The following SGK1 variants were observed in gnomAD, a reference collection of about 807,000 sequenced individuals.
SGK1 encodes serum/glucocorticoid regulated kinase 1.
In SGK1, 26 loss-of-function variants were observed where a neutral mutation model predicts 64.2. That is an observed-to-expected ratio of 0.40 (90% confidence interval 0.30 to 0.56). SGK1 has a LOEUF of 0.56. SGK1 is among the 20% of genes least tolerant of loss of function. The pLI, the probability that SGK1 is intolerant of heterozygous loss-of-function variation, is 0.38. For missense variants in SGK1, 519 were observed against 645.6 expected, an observed-to-expected ratio of 0.80 and a Z score of 2.12; for synonymous variants, 265 against 239.7, an observed-to-expected ratio of 1.11 and a Z score of -0.98.
At chr6:134,243,386 T>C (rs1776476833) in intron 2 of SGK1, among the ~76,000 whole-genome samples, 1 of 152,176 alleles carries the variant, frequency 6.6e-6, no homozygotes, top group South Asian at 2.1e-4. Context: ...ATTATTTGTT[T>C]TAGATGGAGT....
At chr6:134,284,074 A>G (rs1054684867) in intron 1 of SGK1, among the ~76,000 whole-genome samples, 1 of 151,448 alleles carries the variant, frequency 6.6e-6, no homozygotes, top group Non-Finnish European at 1.5e-5. Flanking sequence ...ATTCCTTTAT[A>G]TGTTCAAATA....
At chr6:134,282,515 T>C (rs541872117) in intron 1 of SGK1, among the ~76,000 whole-genome samples, 137 of 151,860 alleles carry the variant, frequency 9.0e-4, no homozygotes, top group South Asian at 5.8e-3. Context: ...TAGCTGGGCA[T>C]GGTGGCGCAC....
chr6:134,252,991 A>C (rs1232642235), intron 2 of SGK1, among the ~76,000 whole-genome samples: 1 of 152,228 alleles, frequency 6.6e-6, no homozygotes, highest in Admixed American at 6.5e-5. Flanking sequence ...GCATCTTTTT[A>C]AGAAAGATCA....
chr6:134,227,902 T>G (rs1453867470), intron 2 of SGK1, among the ~76,000 whole-genome samples: 1 of 151,326 alleles, frequency 6.6e-6, no homozygotes, highest in Non-Finnish European at 1.5e-5. Flanking sequence ...TATTACTGCC[T>G]TAGTAACCTC....
In SGK1 at chr6:134,309,333, C is replaced by G. The variant is rs117252442; in HGVS notation, c.69+8059G>C. The stretch of plus-strand genomic sequence containing the variant: ...AGGAGGAGGCCAACGCAGCACCGAA[C>G]TTGCCTTACTGTCTGCTTTTCCTGT... On this transcript the variant is annotated intron_variant, in intron 1 of 13. Coordinates refer to ENST00000367858, the MANE Select transcript of SGK1 (RefSeq NM_001143676.3). Among the ~76,000 whole-genome samples the G allele has an allele frequency of 4.7e-3, 721 of 152,354 alleles. 44 individuals carry two copies. In the East Asian group the frequency reaches 0.13, roughly 27 times the overall value.
intron 11 of SGK1, 135 bp downstream of exon 11, chr6:134,171,497 TATAAA>T: frequency 1.6e-6 from 1 of 641,688 alleles, no homozygotes; most frequent in Non-Finnish European, 2.8e-6. Context: ...TCTTATGAAC[TATAAA>T]ATAACCAATA....
intron 3 of SGK1, among the ~76,000 whole-genome samples, chr6:134,191,853 T>TTTTTTTTTTTTA (rs1775517553): frequency 8.5e-5 from 12 of 140,694 alleles, no homozygotes; most frequent in South Asian, 2.4e-4. Flanking sequence ...TTTTTTTTTT[T>TTTTTTTTTTTTA]GAGACAGAGT....
At chr6:134,203,362 A>G (rs1172012288) in intron 3 of SGK1, among the ~76,000 whole-genome samples, 1 of 152,254 alleles carries the variant, frequency 6.6e-6, no homozygotes, top group Non-Finnish European at 1.5e-5. Context: ...TCTAAAACCT[A>G]TTCAAATAAT....
At chr6:134,291,798 C>T (rs543043816) in intron 1 of SGK1, among the ~76,000 whole-genome samples, 2 of 152,300 alleles carry the variant, frequency 1.3e-5, no homozygotes, top group East Asian at 1.9e-4. Context: ...CGATGGGTCA[C>T]GCCTGTAATC....
chr6:134,312,934 G>A (rs1777627466), intron 1 of SGK1, among the ~76,000 whole-genome samples: 1 of 151,994 alleles, frequency 6.6e-6, no homozygotes, highest in Non-Finnish European at 1.5e-5. Flanking sequence ...CATCACACCT[G>A]GTTCATTTTT....
intron 2 of SGK1, among the ~76,000 whole-genome samples, chr6:134,256,088 C>CTTTTTT (rs68106923): frequency 1.4e-5 from 2 of 139,244 alleles, no homozygotes; most frequent in Admixed American, 7.2e-5. Context: ...GTCCTTTTTC[C>CTTTTTT]TTTTTTTTTT....
intron 3 of SGK1, among the ~76,000 whole-genome samples, chr6:134,191,687 G>A (rs78676423): frequency 8.4e-6 from 1 of 119,454 alleles, no homozygotes; most frequent in Non-Finnish European, 1.8e-5. Context: ...TTTTTTTTTT[G>A]AGACGAAGTC....
At chr6:134,262,882 A>C (rs895730214) in intron 1 of SGK1, among the ~76,000 whole-genome samples, 2 of 150,906 alleles carry the variant, frequency 1.3e-5, no homozygotes, top group Non-Finnish European at 2.9e-5. Flanking sequence ...TCTCTACGAA[A>C]AAAATAACTT....
intron 1 of SGK1, chr6:134,297,666 C>G: frequency 2.3e-6 from 1 of 431,328 alleles, no homozygotes; most frequent in South Asian, 2.0e-5. Context: ...CCACCCCAGG[C>G]TAATTTTTGT....
chr6:134,273,613 A>AAAAAAAAAAAAAAAAT, intron 1 of SGK1, among the ~76,000 whole-genome samples: 1 of 146,934 alleles, frequency 6.8e-6, no homozygotes, highest in Non-Finnish European at 1.5e-5. Flanking sequence ...AAAAAAAAAA[A>AAAAAAAAAAAAAAAAT]AAAAAAAAAG....
intron 3 of SGK1, among the ~76,000 whole-genome samples, 165 bp downstream of exon 3, chr6:134,207,191 C>A (rs112361585): frequency 0.2 from 30,102 of 151,342 alleles, 3,967 homozygotes; most frequent in African/African-American, 0.37. Context: ...GCGCCACTGC[C>A]CTCCAACCTG....
chr6:134,175,515 C>T (rs1040103592), intron 3 of SGK1: 38 of 1,460,492 alleles, frequency 2.6e-5, no homozygotes, highest in Middle Eastern at 3.7e-4. Flanking sequence ...GTGAGCCAAG[C>T]CCCCAGCGGG....
chr6:134,199,558 CAAAAAAAAAAA>C lies in SGK1; in HGVS notation c.361+7787_361+7797del, dbSNP rs369760659. ...TGGGCGACAGGGCAAGACTCTCTCTCAAAAAAAAAAAAAAAAAAAGAAAGAGAGTTTACTTA... is the reference window on the plus strand; with the variant it reads ...TGGGCGACAGGGCAAGACTCTCTCTCAAAAAAAAGAAAGAGAGTTTACTTA... On this transcript the variant is annotated intron_variant, in intron 3 of 13. Transcript: ENST00000367858. Among the ~76,000 whole-genome samples, 10 of 81,358 alleles carry C rather than the reference CAAAAAAAAAAA, an allele frequency of 1.2e-4. No individual in the cohort carries two copies. In the South Asian group the frequency reaches 4.5e-3, roughly 37 times the overall value. The allele number at this position is 81,358 out of a possible 152,430, so 53.4% of individuals were successfully genotyped here.
At chr6:134,268,648 G>C (rs1271539693) in intron 1 of SGK1, among the ~76,000 whole-genome samples, 2 of 143,662 alleles carry the variant, frequency 1.4e-5, no homozygotes, top group Admixed American at 1.5e-4. Context: ...GCGTGAACCC[G>C]GGAGGCGGAG....
Sources: gnomAD v4.1 joint callset for allele counts (sites outside exome capture counted in the v4.1 genomes callset) on GRCh38, gnomAD v4.1.1 for gene constraint, MANE v1.5 for transcripts, NCBI Gene and HGNC (gene_info 2026-07-23, HGNC 2026-07-21) for gene names.